The following TTN variants were observed in gnomAD, a reference collection of about 807,000 sequenced individuals.
TTN encodes the protein connectin.
Under a neutral mutation model 3,223.0 loss-of-function variants are expected in TTN, and 1,525 were observed. The ratio of observed to expected loss-of-function variants is 0.47; its 90% CI spans 0.45 to 0.49. The LOEUF (loss-of-function observed/expected upper bound fraction) is 0.49. Ranked by LOEUF, TTN falls within the 20% of genes least tolerant of loss-of-function variation. TTN has a pLI of 0.00. For synonymous variants in TTN, 14,094 were observed against 15,161.0 expected (o/e 0.93, Z 5.17); for missense variants, 40,786 against 43,424.0 (o/e 0.94, Z 5.40).
chr2:178,664,072 G>C lies in TTN; in HGVS notation c.36307C>G (p.Pro12103Ala). The change falls in exon 169 of 363, where the codon CCT becomes GCT. Residue 12103 changes from proline to alanine, a missense_variant. By Grantham distance (27) the Pro-to-Ala change is conservative (BLOSUM62 -1). Transcript: ENST00000589042. ...GGCACCACCGACACTTTCTTTTCAG[G>C]GATAATCTCTTTGGGAGCTTCGTGC... The part of the protein sequence containing the change: ...KVHEAPKEII[P>A]EKKVSVVPPK... 1 of 1,612,594 alleles carries C rather than the reference G, an allele frequency of 6.2e-7. No individual in the cohort carries two copies.
At chr2:178,643,224 A>T (rs1254524101) in intron 218 of TTN, among the ~76,000 whole-genome samples, 1 of 152,016 alleles carries the variant, frequency 6.6e-6, no homozygotes, top group South Asian at 2.1e-4. Flanking sequence ...ATTTCTATAA[A>T]ACTTCCTATT....
chr2:178,577,033 G>A lies in TTN; in HGVS notation c.69302C>T (p.Ala23101Val). The A allele has an allele frequency of 6.2e-7, 1 of 1,613,452 alleles. No homozygotes were observed. The highest frequency in any genetic ancestry group is 8.5e-7 in the Non-Finnish European group (1 of 1,179,582). ...CTCATTTCCTTGGATAAGTTTGGTT[G>A]CCACATGCCTGCAAGACTGAATATC... is the stretch of plus-strand genomic sequence containing the variant. ...SEDIQSCRHV[A>V]TKLIQGNEYI... The change falls in exon 324 of 363, where the codon GCA (alanine) becomes GTA (valine). Residue 23101 changes from alanine to valine, a missense_variant. Ala to Val is a moderately conservative substitution (Grantham distance 64). Transcript: ENST00000589042.
rs2059952331 is a variant in TTN, at chr2:178,632,702, G to A, written c.43304C>T (p.Pro14435Leu). The change falls in exon 235 of 363, where the codon CCC becomes CTC. Residue 14435 changes from proline (P) to leucine (L), a missense_variant. Pro to Leu is a moderately conservative substitution (Grantham distance 98, BLOSUM62 -3). Transcript: ENST00000589042. ...TCCTTTTAGCCAACGGAATGTTTTG[G>A]GCTCCCTGGATACTTCACACTCAAA... ...AKFECEVSRE[P>L]KTFRWLKGTQ... 4 of 1,613,208 alleles carry A rather than the reference G, an allele frequency of 2.5e-6. No homozygotes were observed. The highest frequency in any genetic ancestry group is 3.4e-6 in the Non-Finnish European group (4 of 1,179,506).
chr2:178,782,605 A>G lies in TTN; in HGVS notation c.3101-3T>C, dbSNP rs1214822539. On this transcript the variant is annotated splice_polypyrimidine_tract_variant and splice_region_variant and intron_variant, in intron 18 of 362. Transcript: ENST00000589042. ...TTCCTTTTCAAATTCTTCTGACACT[A>G]AAAGAAGACAAAAGTTTCTCATTGA... 1 of 1,613,676 alleles carries G rather than the reference A, an allele frequency of 6.2e-7. No homozygotes were observed. Among genetic ancestry groups the G allele is most frequent in the Non-Finnish European group, 8.5e-7 (1 of 1,179,854 alleles).
rs573873239 is a variant in TTN, at chr2:178,607,875, C to T, written c.52912G>A (p.Ala17638Thr). The T allele has an allele frequency of 2.5e-6, 4 of 1,613,046 alleles. No homozygotes were observed. In the South Asian group the frequency reaches 3.3e-5, roughly 13 times the overall value. ...QYTVKEIREG[A>T]DYKLRVSAVN... ...GCACTCACCCGAAGTTTGTAATCAG[C>T]ACCCTCTCGGATTTCTTTGACGGTG... is the stretch of plus-strand genomic sequence containing the variant. The change falls in exon 276 of 363, where the codon GCT becomes ACT. Residue 17638 changes from alanine (A) to threonine (T), a missense_variant. Transcript: ENST00000589042.
At position 178,543,360 on chromosome 2, in the gene TTN, C is replaced by A; in HGVS notation, c.96613G>T (p.Val32205Leu). ...TCGACCACTTCTAGCTTTGCAGGCA[C>A]CAAAGGCACTTCTGAGACCAGTACT... ...DAVLVSEVPL[V>L]PAKLEVVDVT... Residue 32205 changes from valine to leucine, a missense_variant, in exon 347 of 363, where the codon GTG becomes TTG. Physicochemically the swap from Val to Leu is conservative, Grantham distance 32 (BLOSUM62 1). Transcript: ENST00000589042. 1 of 1,613,828 alleles carries A rather than the reference C, an allele frequency of 6.2e-7. No individual in the cohort carries two copies. Among genetic ancestry groups the A allele is most frequent in the South Asian group, 1.1e-5 (1 of 91,080 alleles).
rs761391019 is a variant in TTN, at chr2:178,564,650, A to T, written c.81482T>A (p.Val27161Glu). 4.3e-6 allele frequency: 7 copies of T among 1,613,434 alleles called. No homozygotes were observed. In the East Asian group the frequency reaches 1.3e-4, roughly 31 times the overall value. The change falls in exon 326 of 363, where the codon GTG becomes GAG. Residue 27161 changes from valine to glutamate, a missense_variant. Transcript: ENST00000589042. Reference sequence around the variant, plus strand: ...ATCACGAGCAACAAAGCATTCTGACACTTTGCTAGGCTTGCCAATGCCAAC... The same window carrying T: ...ATCACGAGCAACAAAGCATTCTGACTCTTTGCTAGGCTTGCCAATGCCAAC... The part of the protein sequence containing the change: ...NIVGIGKPSK[V>E]SECFVARDPC...
In TTN at chr2:178,569,761, T is replaced by G; in HGVS notation, c.76371A>C (p.Pro25457=). ...TGTTTGTTTTATTAATTCCTGTTGG[T>G]GGAGTGCACATTGTCCATTCACCAA... is the stretch of plus-strand genomic sequence containing the variant. ...VSVGEWTMCT[P]PTGINKTNIE... is the part of the protein sequence containing the mutation. The change falls in exon 326 of 363, where the codon CCA becomes CCC. Residue 25457 remains proline, a synonymous_variant. Coordinates refer to ENST00000589042, the MANE Select transcript of TTN (RefSeq NM_001267550.2). The G allele has an allele frequency of 6.2e-7, 1 of 1,613,258 alleles. No individual in the cohort carries two copies. Among genetic ancestry groups the G allele is most frequent in the Non-Finnish European group, 8.5e-7 (1 of 1,179,608 alleles).
At chr2:178,614,811 G>T in intron 260 of TTN, 36 bp downstream of exon 260, 1 of 1,590,444 alleles carries the variant, frequency 6.3e-7, no homozygotes, top group South Asian at 1.1e-5. Context: ...TAAGGTCAGA[G>T]GCCTATTTGA....
chr2:178,632,788 C>T lies in TTN; in HGVS notation c.43218G>A (p.Leu14406=), dbSNP rs1345981655. 1.2e-6 allele frequency: 2 copies of T among 1,612,868 alleles called. No individual in the cohort carries two copies. The highest frequency in any genetic ancestry group is 1.7e-5 in the Admixed American group (1 of 59,972). The change falls in exon 235 of 363, where the codon TTG becomes TTA. Residue 14406 remains leucine, a synonymous_variant. Coordinates refer to ENST00000589042, the MANE Select transcript of TTN (RefSeq NM_001267550.2). ...TGAGAGGTGTGATGAAGATAAGAGG[C>T]AATTCTGAAAGAAGTGGACAGTGGA... The part of the protein sequence containing the change: ...KSAANLKVKE[L]PLIFITPLSD...
Position 178,560,624 on chromosome 2 carries a change from CCTT to C in TTN, c.85505_85507del (p.Glu28502del). 2 of 1,613,532 alleles carry C rather than the reference CCTT, an allele frequency of 1.2e-6. No individual in the cohort carries two copies. Among genetic ancestry groups the C allele is most frequent in the East Asian group, 2.2e-5 (1 of 44,756 alleles). ...TTTACAGGATGTCATCTGTAACTCT[CCTT>C]CACATATTGTCCATGCAAGGTGGCT... On this transcript the variant is annotated inframe_deletion, in exon 326 of 363. Coordinates refer to ENST00000589042, the MANE Select transcript of TTN (RefSeq NM_001267550.2).
At chr2:178,720,840 C>T in intron 79 of TTN, 81 bp downstream of exon 79, 1 of 1,465,330 alleles carries the variant, frequency 6.8e-7, no homozygotes, top group Non-Finnish European at 9.1e-7. Context: ...CTTAATTATC[C>T]TTTTATTTTG....
In TTN at chr2:178,557,338, A is replaced by G. The variant is rs1484500314; in HGVS notation, c.87924T>C (p.Tyr29308=). Residue 29308 remains tyrosine, a synonymous_variant, in exon 329 of 363, where the codon TAT becomes TAC. Coordinates refer to ENST00000589042, the MANE Select transcript of TTN (RefSeq NM_001267550.2). ...KVTTISAGLI[Y]EFRVYAENAA... Reference sequence around the variant, plus strand: ...CATTTTCTGCATACACCCTGAATTCATAAATAAGTCCAGCACTGATTGTTG... The same window carrying G: ...CATTTTCTGCATACACCCTGAATTCGTAAATAAGTCCAGCACTGATTGTTG... 1 of 1,613,850 alleles carries G rather than the reference A, an allele frequency of 6.2e-7. No individual in the cohort carries two copies.
Position 178,599,848 on chromosome 2 carries a change from G to A in TTN, c.56053C>T (p.Pro18685Ser). The A allele has an allele frequency of 6.5e-7, 1 of 1,548,868 alleles. No homozygotes were observed. Among genetic ancestry groups the A allele is most frequent in the Non-Finnish European group, 8.7e-7 (1 of 1,151,662 alleles). The change falls in exon 289 of 363, where the codon CCA becomes TCA. Residue 18685 changes from proline (P) to serine (S), a missense_variant and splice_region_variant. Physicochemically the swap from Pro to Ser is moderately conservative, Grantham distance 74. Coordinates refer to ENST00000589042, the MANE Select transcript of TTN (RefSeq NM_001267550.2). ...GPVTVKDQTC[P>S]PSIDLKEFME... ...AATTCTTTTAGATCAATTGATGGTG[G>A]GCCTAGATTATTTAAAAAAAGTTGT...
chr2:178,751,393 A>G (rs777864995), intron 47 of TTN: 27 of 1,608,030 alleles, frequency 1.7e-5, no homozygotes, highest in Non-Finnish European at 8.5e-7. Context: ...CATACATGTA[A>G]TCTGTTTTCT....
Position 178,573,813 on chromosome 2 carries a change from G to T in TTN, c.72319C>A (p.Pro24107Thr), listed in dbSNP as rs1709102867. 1 of 1,611,612 alleles carries T rather than the reference G, an allele frequency of 6.2e-7. No individual in the cohort carries two copies. ...AAAATGTGTTTAGCAAAGCCACCAG[G>T]ATTAGTCGCTGTAAGGGTATAGGCA... is the stretch of plus-strand genomic sequence containing the variant. ...SGAYTLTATN[P>T]GGFAKHIFNV... Residue 24107 changes from proline (P) to threonine (T), a missense_variant, in exon 326 of 363, where the codon CCT becomes ACT. Coordinates refer to ENST00000589042, the MANE Select transcript of TTN (RefSeq NM_001267550.2).
At chr2:178,549,907 T>C in intron 337 of TTN, 38 bp from the exon 338 acceptor site, 1 of 1,538,600 alleles carries the variant, frequency 6.5e-7, no homozygotes, top group South Asian at 1.3e-5. Flanking sequence ...TTCTTTTTCC[T>C]TGTCCATTAA....
At chr2:178,538,075 G>A (rs1329655362) in intron 354 of TTN, among the ~76,000 whole-genome samples, 158 bp from the exon 355 acceptor site, 1 of 152,092 alleles carries the variant, frequency 6.6e-6, no homozygotes, top group African/African-American at 2.4e-5. Context: ...ATTTTCCTAG[G>A]ATCATATGGT....
chr2:178,806,096 C>T (rs1446096637), intron 1 of TTN, among the ~76,000 whole-genome samples: 1 of 152,030 alleles, frequency 6.6e-6, no homozygotes, highest in Non-Finnish European at 1.5e-5. Context: ...AATTCTGTTC[C>T]TTACTGTAAC....
Sources: allele counts gnomAD v4.1 joint callset (sites outside exome capture counted in the v4.1 genomes callset), GRCh38; gene constraint gnomAD v4.1.1; transcripts MANE v1.5; gene names NCBI Gene and HGNC (gene_info 2026-07-23, HGNC 2026-07-21).